The following FCHSD2 variants were observed in gnomAD, a reference collection of about 807,000 sequenced individuals.
FCHSD2 encodes FCH and double SH3 domains 2.
FCHSD2 carries 38 observed loss-of-function variants against 108.1 expected under a neutral mutation model. That is an observed-to-expected ratio of 0.35 (90% CI 0.27 to 0.46). FCHSD2 has a LOEUF of 0.46. Among genes scored for constraint, FCHSD2 ranks in the 20% least tolerant of loss-of-function variants. FCHSD2 has a pLI of 1.00. For missense variants in FCHSD2, 751 were observed against 897.8 expected, an observed-to-expected ratio of 0.84 and a Z score of 2.09; for synonymous variants, 279 against 314.7, an observed-to-expected ratio of 0.89 and a Z score of 1.20.
intron 6 of FCHSD2, among the ~76,000 whole-genome samples, chr11:72,986,636 T>G (rs980167705): frequency 2.0e-5 from 3 of 152,170 alleles, no homozygotes; most frequent in Non-Finnish European, 2.9e-5. Flanking sequence ...CCAGTTCTCC[T>G]TTTTTTACAG....
chr11:73,008,236 G>C (rs576632519), intron 4 of FCHSD2, among the ~76,000 whole-genome samples: 5 of 152,230 alleles, frequency 3.3e-5, no homozygotes, highest in Non-Finnish European at 7.4e-5. Flanking sequence ...CTACTCAGGA[G>C]GCTGAGGCAC....
intron 2 of FCHSD2, among the ~76,000 whole-genome samples, chr11:73,111,436 C>G (rs993544892): frequency 6.6e-6 from 1 of 150,814 alleles, no homozygotes; most frequent in Non-Finnish European, 1.5e-5. Context: ...TTTTGGCTTC[C>G]ATTAGCATGG....
At chr11:72,997,787 A>G (rs562356630) in intron 5 of FCHSD2, among the ~76,000 whole-genome samples, 7 of 152,048 alleles carry the variant, frequency 4.6e-5, no homozygotes, top group Non-Finnish European at 8.8e-5. Flanking sequence ...TGCAATCTCT[A>G]CCTCCTGTGC....
intron 6 of FCHSD2, 58 bp downstream of exon 6, chr11:72,988,906 T>C (rs567447118): frequency 1.4e-6 from 2 of 1,459,180 alleles, no homozygotes; most frequent in Admixed American, 2.0e-5. Flanking sequence ...GAACAAACTA[T>C]TAGCAACAAT....
intron 4 of FCHSD2, among the ~76,000 whole-genome samples, 156 bp downstream of exon 4, chr11:73,015,653 A>C (rs925084130): frequency 2.0e-5 from 3 of 152,188 alleles, no homozygotes; most frequent in Non-Finnish European, 2.9e-5. Flanking sequence ...TAATGTTATA[A>C]AACATTAAAA....
At chr11:73,004,478 A>G (rs1195534674) in intron 4 of FCHSD2, among the ~76,000 whole-genome samples, 1 of 152,170 alleles carries the variant, frequency 6.6e-6, no homozygotes, top group East Asian at 1.9e-4. Flanking sequence ...ACTCAGTCCT[A>G]TAAGAACCCA....
chr11:73,090,272 C>T (rs1279736663), intron 2 of FCHSD2, among the ~76,000 whole-genome samples: 1 of 123,650 alleles, frequency 8.1e-6, no homozygotes, highest in African/African-American at 3.2e-5. Flanking sequence ...GTCGCCCAGG[C>T]TGGAGTGCAG....
intron 7 of FCHSD2, among the ~76,000 whole-genome samples, 199 bp downstream of exon 7, chr11:72,984,863 G>C (rs1857282026): frequency 6.6e-6 from 1 of 152,234 alleles, no homozygotes; most frequent in African/African-American, 2.4e-5. Context: ...ATGCAGTCTT[G>C]AGAAGCAAGT....
At position 72,836,835 on chromosome 11, in the gene FCHSD2, C is replaced by T. The variant is rs935271135; in HGVS notation, c.*1956G>A. On this transcript the variant is annotated 3_prime_UTR_variant, in exon 20 of 20. Transcript: ENST00000409418. ...TAAAGAAAGCACATCTGCACAGAGG[C>T]TCCCTCCGAGCCCTGACCTGTGCAC... 3 of 152,692 alleles carry T rather than the reference C, an allele frequency of 2.0e-5. No individual in the cohort carries two copies. In the East Asian group the frequency reaches 5.8e-4, roughly 29 times the overall value. The allele number at this position is 152,692 out of a possible 1,614,324, so 9.5% of individuals were successfully genotyped here.
At chr11:72,968,878 G>T (rs189683307) in intron 8 of FCHSD2, among the ~76,000 whole-genome samples, 7 of 152,236 alleles carry the variant, frequency 4.6e-5, no homozygotes, top group Admixed American at 3.9e-4. Flanking sequence ...AACATTAAAA[G>T]ATATTTCTAT....
intron 3 of FCHSD2, among the ~76,000 whole-genome samples, chr11:73,016,752 C>T (rs966043079): frequency 6.6e-6 from 1 of 152,094 alleles, no homozygotes; most frequent in African/African-American, 2.4e-5. Context: ...TTAAATGATA[C>T]CATGACACAA....
chr11:73,056,405 C>A (rs183209096), intron 3 of FCHSD2, among the ~76,000 whole-genome samples: 30 of 152,202 alleles, frequency 2.0e-4, no homozygotes, highest in African/African-American at 7.2e-4. Context: ...CTGCTCATAC[C>A]CCCAAAATGT....
intron 2 of FCHSD2, among the ~76,000 whole-genome samples, chr11:73,113,100 T>C (rs1266748716): frequency 6.6e-6 from 1 of 152,162 alleles, no homozygotes. Context: ...GCTTGATAAA[T>C]TCTGCTGTTA....
At position 72,993,001 on chromosome 11, in the gene FCHSD2, T is replaced by C. The variant is rs893624162; in HGVS notation, c.388-3904A>G. The stretch of plus-strand genomic sequence containing the variant: ...ACAGAATGGGAGAACATTTTTGCAA[T>C]CTACTCATCTGACAAAGGGCTAATA... On this transcript the variant is annotated intron_variant, in intron 5 of 19. Transcript: ENST00000409418. Among the ~76,000 whole-genome samples the C allele has an allele frequency of 2.6e-4, 39 of 152,258 alleles. 1 individual carries two copies. Among genetic ancestry groups the C allele is most frequent in the Admixed American group, 2.0e-3 (30 of 15,296 alleles).
chr11:73,033,171 C>G (rs528911937), intron 3 of FCHSD2, among the ~76,000 whole-genome samples: 1 of 151,926 alleles, frequency 6.6e-6, no homozygotes, highest in South Asian at 2.1e-4. Context: ...ACCTGTAGTT[C>G]CAGCTACTCG....
chr11:72,921,718 T>C, intron 9 of FCHSD2, 110 bp downstream of exon 9: 1 of 812,472 alleles, frequency 1.2e-6, no homozygotes, highest in Non-Finnish European at 1.9e-6. Context: ...AGGAAATTTG[T>C]TCGTTAATGC....
At chr11:72,958,869 A>C (rs1856765396) in intron 8 of FCHSD2, among the ~76,000 whole-genome samples, 1 of 152,218 alleles carries the variant, frequency 6.6e-6, no homozygotes, top group African/African-American at 2.4e-5. Flanking sequence ...AGGACATTCT[A>C]GTCTGCCAAA....
intron 12 of FCHSD2, among the ~76,000 whole-genome samples, chr11:72,875,057 A>G (rs1477426571): frequency 1.3e-5 from 2 of 152,230 alleles, no homozygotes; most frequent in Admixed American, 6.5e-5. Context: ...ATAAACACAT[A>G]TAAGTGTAAA....
At chr11:72,925,922 G>A (rs1177005719) in intron 8 of FCHSD2, among the ~76,000 whole-genome samples, 1 of 152,160 alleles carries the variant, frequency 6.6e-6, no homozygotes, top group Non-Finnish European at 1.5e-5. Flanking sequence ...CACCCTCCTG[G>A]GACTGGCTAC....
Sources: allele counts gnomAD v4.1 joint callset (sites outside exome capture counted in the v4.1 genomes callset), GRCh38; gene constraint gnomAD v4.1.1; transcripts MANE v1.5; gene names NCBI Gene and HGNC (gene_info 2026-07-23, HGNC 2026-07-21).